Variants in PLCH1 observed in about 807,000 individuals in gnomAD.
PLCH1 encodes the protein phospholipase C eta 1.
PLCH1 carries 60 observed loss-of-function variants against 126.7 expected under a neutral mutation model. The observed-to-expected ratio is 0.47, with a 90% CI of 0.38 to 0.59. The LOEUF is 0.59. Ranked by LOEUF, PLCH1 falls within the 20% of genes least tolerant of loss-of-function variation. PLCH1 has a pLI of 0.00. For missense variants in PLCH1, 1,723 were observed against 2,040.0 expected, an observed-to-expected ratio of 0.84 and a Z score of 2.99; for synonymous variants, 719 against 734.9, an observed-to-expected ratio of 0.98 and a Z score of 0.35.
At chr3:155,582,956 T>G (rs571607990) in intron 6 of PLCH1, among the ~76,000 whole-genome samples, 1 of 152,016 alleles carries the variant, frequency 6.6e-6, no homozygotes, top group East Asian at 1.9e-4. Context: ...CTTAGCCTTT[T>G]CACATGATCA....
At chr3:155,502,013 C>T (rs943954120) in intron 13 of PLCH1, among the ~76,000 whole-genome samples, 2 of 109,866 alleles carry the variant, frequency 1.8e-5, no homozygotes, top group Admixed American at 8.2e-5. Context: ...TTCTCCTAAA[C>T]CCCCCCAAAA....
At chr3:155,608,145 C>T (rs1734585882) in intron 2 of PLCH1, among the ~76,000 whole-genome samples, 1 of 152,148 alleles carries the variant, frequency 6.6e-6, no homozygotes, top group Non-Finnish European at 1.5e-5. Flanking sequence ...GCAGCAGGAA[C>T]AGCCCTGTAG....
intron 21 of PLCH1, among the ~76,000 whole-genome samples, chr3:155,471,959 C>T (rs1296453823): frequency 6.6e-6 from 1 of 151,760 alleles, no homozygotes; most frequent in Non-Finnish European, 1.5e-5. Flanking sequence ...GCACTAAATG[C>T]CCACAAGAGA....
chr3:155,497,280 T>C (rs1179291048), intron 15 of PLCH1, 40 bp downstream of exon 15: 2 of 1,296,324 alleles, frequency 1.5e-6, no homozygotes, highest in African/African-American at 3.0e-5. Context: ...AGGTCAAGAA[T>C]GTTTATTCAG....
intron 1 of PLCH1, chr3:155,743,299 A>G (rs1196705164): frequency 6.7e-6 from 3 of 444,446 alleles, no homozygotes; most frequent in Admixed American, 2.5e-5. Context: ...TGGGAGGCAG[A>G]GGTGGGTGGA....
chr3:155,556,702 G>A (rs183437868), intron 8 of PLCH1, among the ~76,000 whole-genome samples: 36 of 152,300 alleles, frequency 2.4e-4, no homozygotes, highest in African/African-American at 6.5e-4. Flanking sequence ...AGTCAGCTGA[G>A]AGCCTTAAGA....
At chr3:155,454,215 G>C (rs759965016) in intron 21 of PLCH1, among the ~76,000 whole-genome samples, 5 of 152,148 alleles carry the variant, frequency 3.3e-5, no homozygotes, top group Non-Finnish European at 7.4e-5. Context: ...ACCAGCTTTT[G>C]AGAAAAGAAA....
At chr3:155,688,752 T>C (rs777914552) in intron 2 of PLCH1, among the ~76,000 whole-genome samples, 3 of 152,130 alleles carry the variant, frequency 2.0e-5, no homozygotes, top group Non-Finnish European at 4.4e-5. Flanking sequence ...GACAGGGGCC[T>C]AGCAGAAAGC....
At chr3:155,698,751 T>C (rs1436830352) in intron 2 of PLCH1, among the ~76,000 whole-genome samples, 2 of 152,148 alleles carry the variant, frequency 1.3e-5, no homozygotes, top group Non-Finnish European at 2.9e-5. Context: ...GGTCAGGCCA[T>C]GCTTCCCTCT....
downstream of PLCH1, among the ~76,000 whole-genome samples, chr3:155,479,534 C>T (rs1713708721): frequency 6.6e-6 from 1 of 152,072 alleles, no homozygotes. Context: ...TCTCACTTGC[C>T]TTCCCCACGT....
Position 155,482,758 on chromosome 3 carries a change from G to A in PLCH1, c.3268C>T (p.Pro1090Ser). The A allele has an allele frequency of 1.2e-6, 2 of 1,614,126 alleles. No individual in the cohort carries two copies. The highest frequency in any genetic ancestry group is 1.7e-6 in the Non-Finnish European group (2 of 1,180,000). Residue 1090 changes from proline (P) to serine (S), a missense_variant, in exon 23 of 23, where the codon CCC (proline) becomes TCC (serine). Around this residue, in one of 2 missense-constraint regions of PLCH1, gnomAD observed 947 missense variants for 977.1 expected, o/e 0.97. Coordinates refer to ENST00000460012, the MANE Select transcript of PLCH1 (RefSeq NM_014996.4). The part of the protein sequence containing the change: ...QHLAPDPVVN[P>S]TQDLHGVKIK... ...TTCACACCATGCAGATCTTGTGTGGGGTTAACTACAGGATCGGGAGCCAAA... is the reference window on the plus strand; with the variant it reads ...TTCACACCATGCAGATCTTGTGTGGAGTTAACTACAGGATCGGGAGCCAAA...
At chr3:155,557,866 A>C (rs934551318) in intron 8 of PLCH1, among the ~76,000 whole-genome samples, 4 of 152,160 alleles carry the variant, frequency 2.6e-5, no homozygotes, top group Admixed American at 6.6e-5. Context: ...ACTCCCAGAG[A>C]TAACTGGAGA....
At chr3:155,569,475 T>G (rs1728933193) in intron 6 of PLCH1, among the ~76,000 whole-genome samples, 1 of 152,322 alleles carries the variant, frequency 6.6e-6, no homozygotes, top group African/African-American at 2.4e-5. Flanking sequence ...CAAACTAGCA[T>G]GGTGGCTGAT....
intron 2 of PLCH1, among the ~76,000 whole-genome samples, chr3:155,679,202 T>C (rs1744318448): frequency 6.6e-6 from 1 of 152,244 alleles, no homozygotes; most frequent in Admixed American, 6.5e-5. Flanking sequence ...TATAAGTATG[T>C]CCCATGATAT....
chr3:155,466,900 C>A (rs1204578058), intron 21 of PLCH1, among the ~76,000 whole-genome samples: 1 of 151,630 alleles, frequency 6.6e-6, no homozygotes, highest in Non-Finnish European at 1.5e-5. Context: ...ATCAAGCAGA[C>A]AAAAGAATTA....
chr3:155,561,850 C>T lies in PLCH1; in HGVS notation c.1069+3065G>A, dbSNP rs947936257. Among the ~76,000 whole-genome samples the T allele has an allele frequency of 1.2e-4, 18 of 152,216 alleles. 1 individual carries two copies. In the South Asian group the frequency reaches 1.5e-3, roughly 12 times the overall value. Reference sequence around the variant, plus strand: ...AGGCTGGAGTGCAAAGGCATGATCTCGGCTCACTGCAACCTCTGCCTCCTG... The same window carrying T: ...AGGCTGGAGTGCAAAGGCATGATCTTGGCTCACTGCAACCTCTGCCTCCTG... On this transcript the variant is annotated intron_variant, in intron 8 of 22. Transcript: ENST00000460012.
chr3:155,633,356 A>AAAAC (rs386398319), intron 2 of PLCH1, among the ~76,000 whole-genome samples: 5 of 151,770 alleles, frequency 3.3e-5, no homozygotes, highest in East Asian at 3.9e-4. Flanking sequence ...CAAAAAAAAA[A>AAAAC]AAACCTACTC....
intron 2 of PLCH1, among the ~76,000 whole-genome samples, chr3:155,653,735 G>T (rs2108906354): frequency 6.6e-6 from 1 of 152,076 alleles, no homozygotes; most frequent in South Asian, 2.1e-4. Flanking sequence ...AGAAGAAATA[G>T]GTAGAAAAAT....
At chr3:155,590,263 T>G (rs1339530967) in intron 4 of PLCH1, among the ~76,000 whole-genome samples, 1 of 152,166 alleles carries the variant, frequency 6.6e-6, no homozygotes, top group African/African-American at 2.4e-5. Context: ...TTTATCAAAT[T>G]AAGGATGTGA....
Sources: gnomAD v4.1 joint callset for allele counts (sites outside exome capture counted in the v4.1 genomes callset) on GRCh38, gnomAD v4.1.1 for gene constraint, gnomAD v4.1.1 regional missense constraint, MANE v1.5 for transcripts, NCBI Gene and HGNC (gene_info 2026-07-23, HGNC 2026-07-21) for gene names.